The following GALNTL6 variants were observed in gnomAD, a reference collection of about 807,000 sequenced individuals.
The protein encoded by GALNTL6 is polypeptide N-acetylgalactosaminyltransferase like 6, also known as polypeptide N-acetylgalactosaminyltransferase-like 6.
In GALNTL6, 46 loss-of-function variants were observed where a neutral mutation model predicts 73.7. That is an observed-to-expected ratio of 0.62 (90% CI 0.49 to 0.80). The LOEUF is 0.80. GALNTL6 is among the 30% of genes least tolerant of loss of function. The pLI, the probability that GALNTL6 is intolerant of heterozygous loss-of-function variation, is 0.00. For missense variants in GALNTL6, 604 were observed against 755.0 expected, an observed-to-expected ratio of 0.80 and a Z score of 2.34; for synonymous variants, 259 against 263.7, an observed-to-expected ratio of 0.98 and a Z score of 0.17.
chr4:172,660,768 G>A (rs1315120959), intron 5 of GALNTL6, among the ~76,000 whole-genome samples: 1 of 152,116 alleles, frequency 6.6e-6, no homozygotes, highest in Non-Finnish European at 1.5e-5. Flanking sequence ...AATTATAGCA[G>A]AGAATTAAAG....
At position 172,728,336 on chromosome 4, in the gene GALNTL6, T is replaced by A. The variant is rs558513419; in HGVS notation, c.554-81025T>A. Among the ~76,000 whole-genome samples the A allele has an allele frequency of 2.0e-5, 3 of 152,164 alleles. No homozygotes were observed. The South Asian group carries it at 6.2e-4, about 32-fold the overall frequency. ...TACTGTCAATCTTCATGAGATCCAC[T>A]TTTTTTAGTTCTCACATAGGAGTGA... is the stretch of plus-strand genomic sequence containing the variant. On this transcript the variant is annotated intron_variant, in intron 5 of 12. Coordinates refer to ENST00000506823, the MANE Select transcript of GALNTL6 (RefSeq NM_001034845.3).
At chr4:172,524,491 C>T (rs1424890504) in intron 5 of GALNTL6, among the ~76,000 whole-genome samples, 2 of 152,142 alleles carry the variant, frequency 1.3e-5, no homozygotes, top group African/African-American at 2.4e-5. Context: ...ATTTCATTCT[C>T]ATTACTGCAT....
intron 8 of GALNTL6, among the ~76,000 whole-genome samples, chr4:172,928,208 G>A (rs1321754389): frequency 6.6e-5 from 10 of 152,112 alleles, no homozygotes; most frequent in African/African-American, 2.4e-5. Context: ...TTTATTTTCT[G>A]GCCCTTTACA....
chr4:172,234,569 A>G (rs1737175791), intron 3 of GALNTL6, among the ~76,000 whole-genome samples: 1 of 152,150 alleles, frequency 6.6e-6, no homozygotes, highest in Admixed American at 6.5e-5. Context: ...ATTTGCATTT[A>G]TTAACATAGA....
At chr4:172,104,820 C>T (rs900989054) in intron 2 of GALNTL6, among the ~76,000 whole-genome samples, 3 of 152,064 alleles carry the variant, frequency 2.0e-5, no homozygotes, top group African/African-American at 2.4e-5. Context: ...TACCTTGAAA[C>T]GTAGAAAACT....
intron 2 of GALNTL6, among the ~76,000 whole-genome samples, chr4:172,206,786 TGTTTTGTTTTGTTTTTCTG>T (rs1264304774): frequency 8.5e-5 from 6 of 70,620 alleles, no homozygotes; most frequent in Non-Finnish European, 2.0e-4. Context: ...TTTTTTGTTT[TGTTTTGTTTTGTTTTTCTG>T]TTTTTTTTGT....
intron 2 of GALNTL6, among the ~76,000 whole-genome samples, chr4:172,206,927 C>T (rs912186654): frequency 6.7e-6 from 1 of 148,196 alleles, no homozygotes; most frequent in Non-Finnish European, 1.5e-5. Flanking sequence ...AGGCTATTCT[C>T]GTGCCTCAGC....
intron 2 of GALNTL6, among the ~76,000 whole-genome samples, chr4:172,014,606 T>C (rs1741128014): frequency 6.6e-6 from 1 of 152,044 alleles, no homozygotes; most frequent in South Asian, 2.1e-4. Context: ...GTTTGATTTG[T>C]TCTTGTTTCT....
chr4:171,909,278 A>G (rs901976126), intron 2 of GALNTL6, among the ~76,000 whole-genome samples: 2 of 152,102 alleles, frequency 1.3e-5, no homozygotes, highest in African/African-American at 4.8e-5. Context: ...TATTTTTAAG[A>G]CATTTATACA....
intron 9 of GALNTL6, among the ~76,000 whole-genome samples, chr4:172,945,986 A>G (rs988719310): frequency 6.6e-6 from 1 of 152,242 alleles, no homozygotes; most frequent in Admixed American, 6.5e-5. Context: ...GAGACAAGAA[A>G]TACATTCAAA....
chr4:171,834,061 AT>A (rs928563083), intron 2 of GALNTL6, among the ~76,000 whole-genome samples: 4 of 151,938 alleles, frequency 2.6e-5, no homozygotes, highest in Non-Finnish European at 5.9e-5. Flanking sequence ...TTAAAAAAAC[AT>A]TTTTTAAAGC....
intron 5 of GALNTL6, among the ~76,000 whole-genome samples, chr4:172,562,415 C>T (rs1237920754): frequency 2.0e-5 from 3 of 152,216 alleles, no homozygotes; most frequent in Non-Finnish European, 2.9e-5. Flanking sequence ...CTCACGGGCC[C>T]CATTCTGGCC....
At chr4:172,277,137 G>A (rs1579324889) in intron 3 of GALNTL6, among the ~76,000 whole-genome samples, 1 of 151,822 alleles carries the variant, frequency 6.6e-6, no homozygotes, top group South Asian at 2.1e-4. Flanking sequence ...TTCTTTACCT[G>A]ATGGCTGTTG....
At chr4:172,086,752 CTTA>C (rs895196193) in intron 2 of GALNTL6, among the ~76,000 whole-genome samples, 4 of 152,042 alleles carry the variant, frequency 2.6e-5, no homozygotes, top group African/African-American at 9.7e-5. Context: ...TTATTGACTT[CTTA>C]TTATAAAAAA....
At chr4:171,837,588 TTAA>T (rs1200198950) in intron 2 of GALNTL6, among the ~76,000 whole-genome samples, 3 of 147,190 alleles carry the variant, frequency 2.0e-5, no homozygotes, top group African/African-American at 4.9e-5. Flanking sequence ...ATTATAGATA[TTAA>T]TTATTATATA....
intron 2 of GALNTL6, among the ~76,000 whole-genome samples, chr4:172,183,023 A>C (rs1735303022): frequency 6.6e-6 from 1 of 152,294 alleles, no homozygotes; most frequent in Middle Eastern, 3.4e-3. Flanking sequence ...ATTCTTGCTG[A>C]TAGATGAAAA....
In GALNTL6 at chr4:172,462,030, G is replaced by T. The variant is rs112776499; in HGVS notation, c.553+113341G>T. ...AAGGGTGAATTTGCTCTCTCTCCTT[G>T]ACCTGAGACATCCATCTTCTCTTGT... On this transcript the variant is annotated intron_variant, in intron 5 of 12. Coordinates refer to ENST00000506823, the MANE Select transcript of GALNTL6 (RefSeq NM_001034845.3). 5.9e-3 allele frequency among the ~76,000 whole-genome samples: 892 copies of T among 152,210 alleles called. 10 individuals are homozygous for T. The highest frequency in any genetic ancestry group is 0.02 in the African/African-American group (850 of 41,546).
chr4:172,702,838 T>C (rs963924951), intron 5 of GALNTL6, among the ~76,000 whole-genome samples: 3 of 151,968 alleles, frequency 2.0e-5, no homozygotes, highest in African/African-American at 7.2e-5. Context: ...TTTTTTGTCA[T>C]TATAAATGGT....
intron 5 of GALNTL6, among the ~76,000 whole-genome samples, chr4:172,414,286 G>C (rs1193640445): frequency 2.0e-5 from 3 of 152,010 alleles, no homozygotes; most frequent in Non-Finnish European, 2.9e-5. Context: ...TGCTATCTTT[G>C]CTGCTTTTCG....
Sources: gnomAD v4.1 joint callset for allele counts (sites outside exome capture counted in the v4.1 genomes callset) on GRCh38, gnomAD v4.1.1 for gene constraint, MANE v1.5 for transcripts, NCBI Gene and HGNC (gene_info 2026-07-23, HGNC 2026-07-21) for gene names.